The following ARL5B variants were observed in gnomAD, a reference collection of about 807,000 sequenced individuals.
ARL5B encodes the protein ARF like GTPase 5B.
ARL5B carries 10 observed loss-of-function variants against 26.9 expected under a neutral mutation model. The observed-to-expected ratio is 0.37, with a 90% CI of 0.23 to 0.63. ARL5B has a LOEUF of 0.63. ARL5B is among the 30% of genes least tolerant of loss of function. The probability of loss-of-function intolerance (pLI) is 0.62; values close to 1 mark genes in which losing one functional copy is unlikely to be tolerated. For synonymous variants in ARL5B, 87 were observed against 70.4 expected, an observed-to-expected ratio of 1.24 and a Z score of -1.18; for missense variants, 167 against 213.9, an observed-to-expected ratio of 0.78 and a Z score of 1.37.
At chr10:18,665,314 C>G (rs1337825973) in intron 1 of ARL5B, among the ~76,000 whole-genome samples, 1 of 152,058 alleles carries the variant, frequency 6.6e-6, no homozygotes, top group Non-Finnish European at 1.5e-5. Context: ...GCCTGGGCAA[C>G]AAAGCAAGAC....
intron 3 of ARL5B, among the ~76,000 whole-genome samples, chr10:18,671,377 G>A (rs773192627): frequency 6.6e-6 from 1 of 151,864 alleles, no homozygotes; most frequent in Non-Finnish European, 1.5e-5. Flanking sequence ...TCACCATGTT[G>A]GCCAGGTTGG....
At chr10:18,663,893 C>G (rs2059848571) in intron 1 of ARL5B, among the ~76,000 whole-genome samples, 1 of 151,926 alleles carries the variant, frequency 6.6e-6, no homozygotes, top group Admixed American at 6.6e-5. Flanking sequence ...AGGTTTCAAA[C>G]ACACTAAACT....
At position 18,676,383 on chromosome 10, in the gene ARL5B, A is replaced by G. The variant is rs1010998426; in HGVS notation, c.*1167A>G. 1 of 152,170 alleles carries G rather than the reference A, an allele frequency of 6.6e-6. No homozygotes were observed. The highest frequency in any genetic ancestry group is 1.5e-5 in the Non-Finnish European group (1 of 67,890). 9.4% of individuals were successfully genotyped at this position (152,170 alleles called of 1,614,324 possible). On this transcript the variant is annotated 3_prime_UTR_variant, in exon 6 of 6. Transcript: ENST00000377275. ...TTGAATCCTAGCTTTTAGAATATTA[A>G]TAGGAGACTCAAAGTTAATATTCTT...
At position 18,678,329 on chromosome 10, in the gene ARL5B, C is replaced by G. The variant is rs1454982780; in HGVS notation, c.*3113C>G. On this transcript the variant is annotated 3_prime_UTR_variant, in exon 6 of 6. Transcript: ENST00000377275. ...TGAAAAATTTTAAATGAGTGCCACC[C>G]CATAGCCATAGTCATTTTGATTAAG... The G allele has an allele frequency of 4.0e-5, 6 of 151,594 alleles. No homozygotes were observed. Among genetic ancestry groups the G allele is most frequent in the African/African-American group, 1.5e-4 (6 of 41,360 alleles). The allele number at this position is 151,594 out of a possible 1,614,324, so 9.4% of individuals were successfully genotyped here. A position where few individuals can be genotyped will look rare whatever the true frequency, so the allele number is the denominator to read the frequency against.
At position 18,659,670 on chromosome 10, in the gene ARL5B, C is replaced by G. The variant is rs770265970; in HGVS notation, c.33C>G (p.Leu11=). 4 of 1,613,296 alleles carry G rather than the reference C, an allele frequency of 2.5e-6. No individual in the cohort carries two copies. ...TGATCTTCGCCAAACTGTGGAGCCT[C>G]TTCTGTAACCAAGGTGAGAAGAATG... The part of the protein sequence containing the change: MGLIFAKLWS[L]FCNQEHKVII... Residue 11 remains leucine (L), a synonymous_variant, in exon 1 of 6, where the codon CTC becomes CTG. Transcript: ENST00000377275.
chr10:18,670,355 A>G (rs1346599644), intron 3 of ARL5B, among the ~76,000 whole-genome samples: 1 of 152,228 alleles, frequency 6.6e-6, no homozygotes, highest in Non-Finnish European at 1.5e-5. Flanking sequence ...TCACTTCTGT[A>G]ATCCCAGCAC....
rs1284721289 is a variant in ARL5B at position 18,659,470 on chromosome 10, C to A, written c.-168C>A. The stretch of plus-strand genomic sequence containing the variant: ...AAAGGGCTGTCCGGTGGGGATTCGT[C>A]GCGGCGCCTTCTGAGTGGTCGGGTC... On this transcript the variant is annotated 5_prime_UTR_variant, in exon 1 of 6. Coordinates refer to ENST00000377275, the MANE Select transcript of ARL5B (RefSeq NM_178815.5). The A allele has an allele frequency of 7.1e-6, 6 of 840,180 alleles. No individual in the cohort carries two copies. The highest frequency in any genetic ancestry group is 1.0e-5 in the Non-Finnish European group (6 of 575,226). The allele number at this position is 840,180 out of a possible 1,614,324, so 52.0% of individuals were successfully genotyped here.
At chr10:18,662,917 G>A (rs1279549227) in intron 1 of ARL5B, among the ~76,000 whole-genome samples, 2 of 151,854 alleles carry the variant, frequency 1.3e-5, no homozygotes, top group Non-Finnish European at 2.9e-5. Flanking sequence ...TGGTCAGGCT[G>A]GTTTTGAACT....
intron 1 of ARL5B, among the ~76,000 whole-genome samples, chr10:18,664,488 A>G (rs2131639160): frequency 8.6e-6 from 1 of 116,092 alleles, no homozygotes; most frequent in African/African-American, 3.4e-5. Flanking sequence ...CCCAGGCTGG[A>G]GCACAGTGAC....
rs1233336422 is a variant in ARL5B, at chr10:18,680,218, A to G, written c.*5002A>G. On this transcript the variant is annotated 3_prime_UTR_variant, in exon 6 of 6. Transcript: ENST00000377275. Reference sequence around the variant, plus strand: ...GGGATGTTTGTACCATCCCATAAAAACCCCCTTCACCCAAACTGTATTTGA... The same window carrying G: ...GGGATGTTTGTACCATCCCATAAAAGCCCCCTTCACCCAAACTGTATTTGA... 6.6e-6 allele frequency: 1 copy of G among 151,978 alleles called. No homozygotes were observed. The highest frequency in any genetic ancestry group is 2.4e-5 in the African/African-American group (1 of 41,418). The allele number at this position is 151,978 out of a possible 1,614,324, so 9.4% of individuals were successfully genotyped here.
chr10:18,668,770 C>A, intron 3 of ARL5B, 93 bp downstream of exon 3: 1 of 904,416 alleles, frequency 1.1e-6, no homozygotes, highest in Non-Finnish European at 1.5e-6. Flanking sequence ...TGACAGTTGC[C>A]TTTTTTTTTT....
intron 1 of ARL5B, among the ~76,000 whole-genome samples, chr10:18,664,928 A>G (rs17695669): frequency 0.13 from 19,548 of 152,216 alleles, 1,568 homozygotes; most frequent in Middle Eastern, 0.23. Flanking sequence ...AGAAGGAGCC[A>G]TCTGGTACTG....
In ARL5B at chr10:18,679,063, A is replaced by G. The variant is rs1025339124; in HGVS notation, c.*3847A>G. ...TATTTTTATCCATTATTTGATTCCC[A>G]CCTGTTATTTTATTTAGAATACGAA... On this transcript the variant is annotated 3_prime_UTR_variant, in exon 6 of 6. Transcript: ENST00000377275. 8 of 151,824 alleles carry G rather than the reference A, an allele frequency of 5.3e-5. No individual in the cohort carries two copies. The highest frequency in any genetic ancestry group is 3.9e-4 in the Admixed American group (6 of 15,238). 9.4% of individuals were successfully genotyped at this position (151,824 alleles called of 1,614,324 possible).
At chr10:18,673,304 C>T (rs2059896170) in intron 4 of ARL5B, among the ~76,000 whole-genome samples, 1 of 151,984 alleles carries the variant, frequency 6.6e-6, no homozygotes, top group African/African-American at 2.4e-5. Context: ...TCGTTATCCG[C>T]CTGCCTCAGC....
chr10:18,666,741 G>GT (rs45622941), intron 2 of ARL5B, 106 bp downstream of exon 2: 27 of 855,398 alleles, frequency 3.2e-5, no homozygotes, highest in Non-Finnish European at 3.9e-5. Flanking sequence ...TTAAATATAT[G>GT]TTTTTTGTTT....
chr10:18,665,657 C>T (rs10508564), intron 1 of ARL5B, among the ~76,000 whole-genome samples: 4,132 of 152,160 alleles, frequency 0.027, 183 homozygotes, highest in African/African-American at 0.093. Flanking sequence ...ATGAGATGTG[C>T]CCAATCGTTG....
intron 1 of ARL5B, among the ~76,000 whole-genome samples, chr10:18,665,961 T>C (rs2059859595): frequency 6.6e-6 from 1 of 152,226 alleles, no homozygotes; most frequent in Admixed American, 6.5e-5. Context: ...AGATTTTCAT[T>C]GTACAAAGAG....
intron 1 of ARL5B, among the ~76,000 whole-genome samples, chr10:18,660,345 G>C (rs1205117356): frequency 6.6e-6 from 1 of 152,150 alleles, no homozygotes; most frequent in African/African-American, 2.4e-5. Flanking sequence ...CCAAAGGGCC[G>C]AGAAGTTGCA....
At chr10:18,659,722 G>A in intron 1 of ARL5B, 39 bp downstream of exon 1, 3 of 1,601,606 alleles carry the variant, frequency 1.9e-6, no homozygotes, top group Non-Finnish European at 2.6e-6. Flanking sequence ...CGAATCCGAG[G>A]CAGAGGGTCC....
Sources: allele counts gnomAD v4.1 joint callset (sites outside exome capture counted in the v4.1 genomes callset), GRCh38; gene constraint gnomAD v4.1.1; transcripts MANE v1.5; gene names NCBI Gene and HGNC (gene_info 2026-07-23, HGNC 2026-07-21).